Variants in ADAMTS18 observed in about 807,000 individuals in gnomAD.
ADAMTS18 encodes ADAM metallopeptidase with thrombospondin type 1 motif 18.
ADAMTS18 carries 157 observed loss-of-function variants against 165.9 expected under a neutral mutation model. That is an observed-to-expected ratio of 0.95 (90% CI 0.83 to 1.08). The LOEUF (loss-of-function observed/expected upper bound fraction) is 1.08, where lower values mean the gene tolerates loss of function less well. ADAMTS18 is among the 50% of genes least tolerant of loss of function. The pLI is 0.00. For synonymous variants in ADAMTS18, 782 were observed against 578.2 expected, an observed-to-expected ratio of 1.35 and a Z score of -5.06; for missense variants, 2,040 against 1,534.0, an observed-to-expected ratio of 1.33 and a Z score of -5.51.
At chr16:77,361,283 T>G (rs2056709425) in intron 7 of ADAMTS18, among the ~76,000 whole-genome samples, 2 of 152,150 alleles carry the variant, frequency 1.3e-5, no homozygotes, top group Admixed American at 1.3e-4. Context: ...TAGACAGCCA[T>G]CCATCAACTT....
chr16:77,357,440 C>A (rs1270425524), intron 8 of ADAMTS18, among the ~76,000 whole-genome samples: 1 of 152,172 alleles, frequency 6.6e-6, no homozygotes, highest in African/African-American at 2.4e-5. Context: ...CAATTTAATT[C>A]TTCTTCTCAC....
intron 11 of ADAMTS18, among the ~76,000 whole-genome samples, chr16:77,337,905 T>C (rs1567494644): frequency 1.7e-5 from 2 of 119,292 alleles, no homozygotes; most frequent in Admixed American, 1.9e-4. Flanking sequence ...TTTCTTTTCT[T>C]TTCTTTTTTT....
In ADAMTS18 at chr16:77,326,066, G is replaced by A. The variant is rs1390680831; in HGVS notation, c.1860-28C>T. The A allele has an allele frequency of 3.7e-6, 6 of 1,605,758 alleles. No homozygotes were observed. The South Asian group carries it at 4.4e-5, about 12-fold the overall frequency. On this transcript the variant is annotated intron_variant, in intron 12 of 22. Transcript: ENST00000282849. ...GAAAATGAAATTAATGAACTTTAATGTTAGTAATCAAAGGGCTCATTATTA... is the reference window on the plus strand; with the variant it reads ...GAAAATGAAATTAATGAACTTTAATATTAGTAATCAAAGGGCTCATTATTA...
chr16:77,303,845 T>C (rs929880248), intron 16 of ADAMTS18, among the ~76,000 whole-genome samples: 19 of 152,268 alleles, frequency 1.2e-4, no homozygotes, highest in African/African-American at 3.6e-4. Context: ...CATTCTAACA[T>C]GGTGAAACCC....
intron 3 of ADAMTS18, among the ~76,000 whole-genome samples, chr16:77,422,284 T>C (rs1037068917): frequency 6.9e-4 from 105 of 152,082 alleles, no homozygotes; most frequent in African/African-American, 2.5e-3. Context: ...AGGTATTATA[T>C]AGGGTCCACC....
At chr16:77,288,339 C>T (rs544717497) in intron 22 of ADAMTS18, among the ~76,000 whole-genome samples, 2 of 151,686 alleles carry the variant, frequency 1.3e-5, no homozygotes, top group Non-Finnish European at 2.9e-5. Context: ...TCATTTCTTC[C>T]CTATGTAGTA....
At position 77,359,289 on chromosome 16, in the gene ADAMTS18, A is replaced by G. The variant is rs751057462; in HGVS notation, c.1322+29T>C. On this transcript the variant is annotated intron_variant, in intron 8 of 22. Transcript: ENST00000282849. Reference sequence around the variant, plus strand: ...AATGAATCACCCAACTAGTTTTCACATAAAGTAGTGGTTCAAAGAGGCACT... The same window carrying G: ...AATGAATCACCCAACTAGTTTTCACGTAAAGTAGTGGTTCAAAGAGGCACT... 5 of 1,587,732 alleles carry G rather than the reference A, an allele frequency of 3.1e-6. No individual in the cohort carries two copies. The South Asian group carries it at 4.5e-5, about 14-fold the overall frequency.
intron 19 of ADAMTS18, among the ~76,000 whole-genome samples, chr16:77,293,580 C>T (rs1343898098): frequency 1.3e-5 from 2 of 151,820 alleles, no homozygotes; most frequent in Non-Finnish European, 2.9e-5. Context: ...CCTAAACAAG[C>T]TCAAAAATAT....
chr16:77,321,839 G>C (rs899990660), intron 14 of ADAMTS18, among the ~76,000 whole-genome samples: 1 of 152,178 alleles, frequency 6.6e-6, no homozygotes, highest in Non-Finnish European at 1.5e-5. Context: ...CAAGGCTCAT[G>C]CAACAAGTAA....
rs2056816530 is a variant in ADAMTS18 at position 77,367,607 on chromosome 16, T to G, written c.612A>C (p.Lys204Asn). The change falls in exon 4 of 23, where the codon AAA becomes AAC. Residue 204 changes from lysine to asparagine, a missense_variant. Transcript: ENST00000282849. ...GCTGGATCTTCTCCTCTGCTGTCCTTTTGTACAGTACGTGAGGATGGTGAC... is the reference window on the plus strand; with the variant it reads ...GCTGGATCTTCTCCTCTGCTGTCCTGTTGTACAGTACGTGAGGATGGTGAC... Reference protein sequence around the residue: ...PAGHHPHVLYKRTAEEKIQRY... With the variant: ...PAGHHPHVLYNRTAEEKIQRY... The G allele has an allele frequency of 6.2e-7, 1 of 1,614,066 alleles. No individual in the cohort carries two copies. The highest frequency in any genetic ancestry group is 8.5e-7 in the Non-Finnish European group (1 of 1,180,036).
At chr16:77,362,050 T>C in intron 7 of ADAMTS18, 55 bp downstream of exon 7, 1 of 1,594,466 alleles carries the variant, frequency 6.3e-7, no homozygotes. Context: ...ATAGAAAGTT[T>C]CCATACTGTG....
At chr16:77,297,167 T>C (rs1469324061) in intron 18 of ADAMTS18, 122 bp downstream of exon 18, 91 of 1,405,842 alleles carry the variant, frequency 6.5e-5, no homozygotes, top group Non-Finnish European at 9.0e-5. Flanking sequence ...TTTTAAAGTA[T>C]TGCGTCTACC....
chr16:77,373,465 G>GAAAAAAAAAAAAAAAAA (rs371326389), intron 3 of ADAMTS18, among the ~76,000 whole-genome samples: 1 of 78,210 alleles, frequency 1.3e-5, no homozygotes, highest in African/African-American at 4.3e-5. Context: ...CCTCAAAAAA[G>GAAAAAAAAAAAAAAAAA]AAAAAAAAAA....
intron 10 of ADAMTS18, among the ~76,000 whole-genome samples, chr16:77,346,014 C>T (rs2144697119): frequency 6.6e-6 from 1 of 152,296 alleles, no homozygotes; most frequent in East Asian, 1.9e-4. Context: ...ACACTGGCTC[C>T]CTGATGCTCT....
At chr16:77,306,060 G>A (rs567447963) in intron 16 of ADAMTS18, among the ~76,000 whole-genome samples, 2 of 152,230 alleles carry the variant, frequency 1.3e-5, no homozygotes, top group South Asian at 2.1e-4. Flanking sequence ...TTACAACCCC[G>A]TGCCGCATGT....
At chr16:77,369,777 C>G (rs991652162) in intron 3 of ADAMTS18, among the ~76,000 whole-genome samples, 1 of 152,064 alleles carries the variant, frequency 6.6e-6, no homozygotes, top group Non-Finnish European at 1.5e-5. Flanking sequence ...CCAAATCAGA[C>G]AAGAACAAAA....
intron 3 of ADAMTS18, among the ~76,000 whole-genome samples, chr16:77,398,181 G>C (rs1416895720): frequency 6.6e-6 from 1 of 152,082 alleles, no homozygotes; most frequent in Non-Finnish European, 1.5e-5. Flanking sequence ...GCCGGATGTG[G>C]TGATGCATGC....
In ADAMTS18 at chr16:77,355,793, C is replaced by T; in HGVS notation, c.1460+147G>A. 7 of 990,722 alleles carry T rather than the reference C, an allele frequency of 7.1e-6. No homozygotes were observed. In the South Asian group the frequency reaches 9.7e-5, roughly 14 times the overall value. 61.4% of individuals were successfully genotyped at this position (990,722 alleles called of 1,614,324 possible). Reference sequence around the variant, plus strand: ...CTATTTTTTTCAACAATGTCATCATCACCATCATCATTATCATCATCATTT... The same window carrying T: ...CTATTTTTTTCAACAATGTCATCATTACCATCATCATTATCATCATCATTT... On this transcript the variant is annotated intron_variant, in intron 9 of 22. Coordinates refer to ENST00000282849, the MANE Select transcript of ADAMTS18 (RefSeq NM_199355.4).
At chr16:77,321,288 A>T (rs1406108457) in intron 14 of ADAMTS18, 86 bp from the exon 15 acceptor site, 1 of 1,552,812 alleles carries the variant, frequency 6.4e-7, no homozygotes, top group Admixed American at 1.7e-5. Context: ...GGTTCTCTGT[A>T]TTTACAGAAC....
Sources: allele counts gnomAD v4.1 joint callset (sites outside exome capture counted in the v4.1 genomes callset), GRCh38; gene constraint gnomAD v4.1.1; transcripts MANE v1.5; gene names NCBI Gene and HGNC (gene_info 2026-07-23, HGNC 2026-07-21).